SIN3B: variants seen among roughly 807,000 people sequenced by gnomAD.
SIN3B encodes the protein SIN3 transcription regulator family member B, also known as paired amphipathic helix protein Sin3b.
A neutral mutation model predicts 120.2 loss-of-function variants in SIN3B; 19 were observed. The observed-to-expected ratio is 0.16, with a 90% CI of 0.11 to 0.23. The LOEUF (loss-of-function observed/expected upper bound fraction) is 0.23. Among genes scored for constraint, SIN3B ranks in the 10% least tolerant of loss-of-function variants. SIN3B has a pLI of 1.00. For synonymous variants in SIN3B, 654 were observed against 653.2 expected (o/e 1.00, Z -0.02); for missense variants, 1,073 against 1,573.0 (o/e 0.68, Z 5.38).
Position 16,829,406 on chromosome 19 carries a change from G to A in SIN3B, c.-15G>A, listed in dbSNP as rs1193425626. The A allele has an allele frequency of 2.5e-6, 3 of 1,200,112 alleles. No individual in the cohort carries two copies. Among genetic ancestry groups the A allele is most frequent in the Non-Finnish European group, 3.1e-6 (3 of 967,328 alleles). 74.3% of individuals were successfully genotyped at this position (1,200,112 alleles called of 1,614,324 possible). On this transcript the variant is annotated 5_prime_UTR_variant, in exon 1 of 19. Coordinates refer to ENST00000248054, the MANE Select transcript of SIN3B (RefSeq NM_001297595.2). ...TCGGGCGGGGGCGGGGCGGGGCGCAGCTCCGACTTCGGACATGGCGCACGC... is the reference window on the plus strand; with the variant it reads ...TCGGGCGGGGGCGGGGCGGGGCGCAACTCCGACTTCGGACATGGCGCACGC...
chr19:16,854,394 A>G, intron 8 of SIN3B, 133 bp downstream of exon 8: 1 of 626,520 alleles, frequency 1.6e-6, no homozygotes. Context: ...GACGTGATTG[A>G]TATAATTATT....
At chr19:16,843,822 G>T (rs1971447873) in intron 4 of SIN3B, among the ~76,000 whole-genome samples, 1 of 150,312 alleles carries the variant, frequency 6.7e-6, no homozygotes, top group African/African-American at 2.5e-5. Flanking sequence ...CATTCATCAG[G>T]GCCCGCCCGG....
chr19:16,855,756 A>C (rs1971606874), intron 8 of SIN3B: 1 of 144,494 alleles, frequency 6.9e-6, no homozygotes, highest in Non-Finnish European at 1.5e-5. Flanking sequence ...AATAATTCTA[A>C]CCCTTGGGTC....
rs1479055287 is a variant in SIN3B, at chr19:16,870,003, G to A, written c.2350G>A (p.Glu784Lys). The A allele has an allele frequency of 1.2e-6, 2 of 1,613,662 alleles. No homozygotes were observed. The highest frequency in any genetic ancestry group is 1.1e-5 in the South Asian group (1 of 91,064). The change falls in exon 13 of 19, where the codon GAG becomes AAG. Residue 784 changes from glutamate (E) to lysine (K), a missense_variant. This residue lies in a region of SIN3B where 52 missense variants were observed against 68.8 expected (regional missense o/e 0.76). Coordinates refer to ENST00000248054, the MANE Select transcript of SIN3B (RefSeq NM_001297595.2). ...LLEYRTEKER[E>K]KLLCEGRREK... ...GGAGTATCGGACCGAGAAGGAGCGG[G>A]AGAAGCTGCTGTGTGAGGGCCGCAG...
chr19:16,851,600 A>AC, intron 6 of SIN3B, 66 bp downstream of exon 6: 1 of 1,506,324 alleles, frequency 6.6e-7, no homozygotes, highest in South Asian at 1.3e-5. Flanking sequence ...CCTTCCCAGC[A>AC]TGTGACCAGG....
Position 16,879,557 on chromosome 19 carries a change from G to A in SIN3B, c.*830G>A, listed in dbSNP as rs2051666080. 1 of 152,208 alleles carries A rather than the reference G, an allele frequency of 6.6e-6. No homozygotes were observed. The highest frequency in any genetic ancestry group is 1.5e-5 in the Non-Finnish European group (1 of 68,064). 9.4% of individuals were successfully genotyped at this position (152,208 alleles called of 1,614,324 possible). A position where few individuals can be genotyped will look rare whatever the true frequency, so the allele number is the denominator to read the frequency against. Reference sequence around the variant, plus strand: ...ACACGCACAGATATTTATTCCTTTCGCTTTTAGTGGTTGTTATTTCTGTAG... The same window carrying A: ...ACACGCACAGATATTTATTCCTTTCACTTTTAGTGGTTGTTATTTCTGTAG... On this transcript the variant is annotated 3_prime_UTR_variant, in exon 19 of 19. Coordinates refer to ENST00000248054, the MANE Select transcript of SIN3B (RefSeq NM_001297595.2).
chr19:16,850,095 T>C (rs967931308), intron 5 of SIN3B, among the ~76,000 whole-genome samples: 1 of 151,470 alleles, frequency 6.6e-6, no homozygotes, highest in Non-Finnish European at 1.5e-5. Context: ...TAGCCTTGAG[T>C]TTTGGTAATT....
chr19:16,850,492 A>G (rs1409571407), intron 5 of SIN3B, among the ~76,000 whole-genome samples: 3 of 152,014 alleles, frequency 2.0e-5, no homozygotes, highest in Non-Finnish European at 1.5e-5. Flanking sequence ...TGTCCCTAAC[A>G]GCAGCCCAGA....
At position 16,853,074 on chromosome 19, in the gene SIN3B, A is replaced by G; in HGVS notation, c.855A>G (p.Lys285=). The change falls in exon 7 of 19, where the codon AAA becomes AAG. Residue 285 remains lysine, a synonymous_variant. Transcript: ENST00000248054. ...CATAGAATTTCTCCCCACAGAAAAA[A>G]ATGAAACTTCGTGGTACCAAAGACC... The part of the protein sequence containing the change: ...LRPVSAPAKK[K]MKLRGTKDLS... 6.2e-7 allele frequency: 1 copy of G among 1,614,142 alleles called. No homozygotes were observed. The highest frequency in any genetic ancestry group is 8.5e-7 in the Non-Finnish European group (1 of 1,179,984).
intron 6 of SIN3B, among the ~76,000 whole-genome samples, chr19:16,852,511 T>A (rs1168528081): frequency 6.6e-6 from 1 of 152,184 alleles, no homozygotes; most frequent in Non-Finnish European, 1.5e-5. Flanking sequence ...CCTCCCAAAG[T>A]GTTGGGATTA....
rs537555774 is a variant in SIN3B, at chr19:16,876,313, T to A, written c.2766+85T>A. ...GACTCAGTCCTGGGTGGACCCTGGT[T>A]CAGCGGCTGGGACACCGGCCCTGCT... On this transcript the variant is annotated intron_variant, in intron 15 of 18. Transcript: ENST00000248054. This position sits in a 1 kb window ranked among gnomAD's most constrained non-coding sequence, Gnocchi z 7.1. The A allele has an allele frequency of 5.4e-5, 80 of 1,494,772 alleles. No individual in the cohort carries two copies. In the East Asian group the frequency reaches 1.6e-3, roughly 29 times the overall value. 92.6% of individuals were successfully genotyped at this position (1,494,772 alleles called of 1,614,324 possible). A position where few individuals can be genotyped will look rare whatever the true frequency, so the allele number is the denominator to read the frequency against.
chr19:16,871,002 C>T (rs1027888485), intron 13 of SIN3B, among the ~76,000 whole-genome samples: 1 of 152,264 alleles, frequency 6.6e-6, no homozygotes, highest in Non-Finnish European at 1.5e-5. Context: ...CCACAGCATT[C>T]TCGCTGCCAT....
At chr19:16,874,971 CTGATT>C (rs1444936836) in intron 14 of SIN3B, among the ~76,000 whole-genome samples, 1 of 141,144 alleles carries the variant, frequency 7.1e-6, no homozygotes, top group African/African-American at 2.7e-5. Context: ...TTGGTCTGGT[CTGATT>C]TGATTTGGTC....
In SIN3B at chr19:16,874,916, T is replaced by C. The variant is rs916018726; in HGVS notation, c.2593-1139T>C. On this transcript the variant is annotated intron_variant, in intron 14 of 18. Coordinates refer to ENST00000248054, the MANE Select transcript of SIN3B (RefSeq NM_001297595.2). ...GGTTTTGGTCTGGTCTAATCTGGTC[T>C]AGTTTGGTTGGTTTTGGTTTGGTCT... Among the ~76,000 whole-genome samples, 3 of 150,618 alleles carry C rather than the reference T, an allele frequency of 2.0e-5. 1 individual carries two copies.
At position 16,878,732 on chromosome 19, in the gene SIN3B, C is replaced by T. The variant is rs2051648462; in HGVS notation, c.*5C>T. The T allele has an allele frequency of 1.3e-6, 2 of 1,589,958 alleles. No homozygotes were observed. The highest frequency in any genetic ancestry group is 1.7e-6 in the Non-Finnish European group (2 of 1,171,842). On this transcript the variant is annotated 3_prime_UTR_variant, in exon 19 of 19. Coordinates refer to ENST00000248054, the MANE Select transcript of SIN3B (RefSeq NM_001297595.2). ...CGCCGCCCGGCCTCGCCCTGACCCG[C>T]CCTCATGGGCACCGGGCAGGCGCCT... is the stretch of plus-strand genomic sequence containing the variant.
At chr19:16,863,325 GTGTA>G in intron 9 of SIN3B, 1 of 355,140 alleles carries the variant, frequency 2.8e-6, no homozygotes, top group Non-Finnish European at 5.1e-6. Context: ...TAAGAATGCA[GTGTA>G]ACAATGATCT....
chr19:16,833,947 G>A (rs193292746), intron 3 of SIN3B, among the ~76,000 whole-genome samples: 5 of 151,930 alleles, frequency 3.3e-5, no homozygotes, highest in African/African-American at 4.8e-5. Flanking sequence ...GGCTGGTCTC[G>A]AACTCCTGAC....
rs1209878231 is a variant in SIN3B at position 16,853,110 on chromosome 19, T to A, written c.891T>A (p.Ala297=). 1 of 1,614,222 alleles carries A rather than the reference T, an allele frequency of 6.2e-7. No homozygotes were observed. The highest frequency in any genetic ancestry group is 1.7e-5 in the Admixed American group (1 of 60,032). ...KLRGTKDLSI[A]AVGKYGTLQE... ...GTGGTACCAAAGACCTGTCCATCGC[T>A]GCAGTGGGGAAGTACGGGACTCTGC... is the stretch of plus-strand genomic sequence containing the variant. The change falls in exon 7 of 19, where the codon GCT becomes GCA. Residue 297 remains alanine, a synonymous_variant. Transcript: ENST00000248054.
In SIN3B at chr19:16,866,676, C is replaced by G. The variant is rs60145561; in HGVS notation, c.1806+120C>G. 976 of 986,506 alleles carry G rather than the reference C, an allele frequency of 9.9e-4. 8 individuals are homozygous for G. In the African/African-American group the frequency reaches 0.014, roughly 15 times the overall value. 61.1% of individuals were successfully genotyped at this position (986,506 alleles called of 1,614,324 possible). On this transcript the variant is annotated intron_variant, in intron 12 of 18. Coordinates refer to ENST00000248054, the MANE Select transcript of SIN3B (RefSeq NM_001297595.2). ...GGGTAGTGGCATTGCCCTTTCAGGG[C>G]TGTGTTGAGGCGAGGGTTCATGTCT...
Sources: gnomAD v4.1 joint callset for allele counts (sites outside exome capture counted in the v4.1 genomes callset) on GRCh38, gnomAD v4.1.1 for gene constraint, gnomAD v4.1.1 regional missense constraint, Gnocchi (gnomAD v3.1) non-coding constraint, MANE v1.5 for transcripts, NCBI Gene and HGNC (gene_info 2026-07-23, HGNC 2026-07-21) for gene names.